TRPC6: variants seen among roughly 807,000 people sequenced by gnomAD.
The protein encoded by TRPC6 is short transient receptor potential channel 6.
A neutral mutation model predicts 90.7 loss-of-function variants in TRPC6; 55 were observed. The observed-to-expected ratio is 0.61, with a 90% CI of 0.49 to 0.76. TRPC6 has a LOEUF of 0.76. Among genes scored for constraint, TRPC6 ranks in the 30% least tolerant of loss-of-function variants. The pLI, the probability that TRPC6 is intolerant of heterozygous loss-of-function variation, is 0.00. For missense variants in TRPC6, 989 were observed against 1,122.7 expected, an observed-to-expected ratio of 0.88 and a Z score of 1.70; for synonymous variants, 393 against 393.0, an observed-to-expected ratio of 1.00 and a Z score of 0.00.
At chr11:101,567,060 TC>T (rs113023805) in intron 1 of TRPC6, among the ~76,000 whole-genome samples, 4,003 of 127,108 alleles carry the variant, frequency 0.031, 106 homozygotes, top group African/African-American at 0.075. Flanking sequence ...GAAGTCTGGC[TC>T]GGGGCGGGGT....
At chr11:101,495,647 T>C (rs1859927476) in intron 2 of TRPC6, among the ~76,000 whole-genome samples, 1 of 149,404 alleles carries the variant, frequency 6.7e-6, no homozygotes, top group Admixed American at 6.7e-5. Context: ...ATTGTTTTCA[T>C]TATTTCACAA....
intron 4 of TRPC6, among the ~76,000 whole-genome samples, chr11:101,487,264 TCC>T (rs996554662): frequency 2.8e-4 from 43 of 151,690 alleles, no homozygotes; most frequent in African/African-American, 8.9e-4. Flanking sequence ...ATTCAAAAAC[TCC>T]CCCCATTTTA....
At chr11:101,582,123 T>C (rs1157348584) in intron 1 of TRPC6, among the ~76,000 whole-genome samples, 1 of 152,246 alleles carries the variant, frequency 6.6e-6, no homozygotes. Flanking sequence ...GAAAAACATA[T>C]ACATAATTGT....
chr11:101,527,548 G>A (rs1018301296), intron 1 of TRPC6, among the ~76,000 whole-genome samples: 5 of 152,152 alleles, frequency 3.3e-5, no homozygotes, highest in African/African-American at 1.2e-4. Context: ...TGTGAAGTGT[G>A]TGTGGTTGGG....
intron 1 of TRPC6, among the ~76,000 whole-genome samples, chr11:101,532,189 G>C (rs915845281): frequency 1.3e-5 from 2 of 152,322 alleles, no homozygotes; most frequent in Non-Finnish European, 2.9e-5. Flanking sequence ...AGTCTTGGGA[G>C]AGACTGTAGC....
intron 1 of TRPC6, among the ~76,000 whole-genome samples, chr11:101,548,094 G>A (rs572341109): frequency 1.3e-5 from 2 of 151,398 alleles, no homozygotes; most frequent in South Asian, 4.2e-4. Context: ...TCAGTAATGG[G>A]GCTAAAATAG....
At chr11:101,575,783 T>C (rs1034388771) in intron 1 of TRPC6, among the ~76,000 whole-genome samples, 3 of 152,140 alleles carry the variant, frequency 2.0e-5, no homozygotes, top group Admixed American at 6.6e-5. Context: ...TTACTGCTAT[T>C]TATGCCCTTT....
At chr11:101,578,017 A>G (rs1242321484) in intron 1 of TRPC6, among the ~76,000 whole-genome samples, 1 of 152,172 alleles carries the variant, frequency 6.6e-6, no homozygotes, top group Non-Finnish European at 1.5e-5. Flanking sequence ...AGTAGCTGGC[A>G]TCATTTTATT....
intron 3 of TRPC6, among the ~76,000 whole-genome samples, chr11:101,489,365 GAAT>G (rs1221892726): frequency 2.9e-5 from 4 of 140,136 alleles, no homozygotes; most frequent in African/African-American, 8.8e-5. Flanking sequence ...AATTTTAATT[GAAT>G]ATTATAAAAA....
At chr11:101,479,438 C>G (rs914255786) in intron 5 of TRPC6, among the ~76,000 whole-genome samples, 3 of 152,216 alleles carry the variant, frequency 2.0e-5, no homozygotes, top group African/African-American at 7.2e-5. Flanking sequence ...TCTGCCTTGT[C>G]AACATCTCCT....
intron 1 of TRPC6, among the ~76,000 whole-genome samples, chr11:101,553,485 G>T (rs11224846): frequency 1.3e-5 from 2 of 151,816 alleles, no homozygotes; most frequent in African/African-American, 2.4e-5. Flanking sequence ...CTCCTATTGC[G>T]TTCCTCACCT....
intron 5 of TRPC6, among the ~76,000 whole-genome samples, chr11:101,479,066 T>C (rs1420873181): frequency 1.3e-5 from 2 of 152,168 alleles, no homozygotes; most frequent in Non-Finnish European, 2.9e-5. Flanking sequence ...CACTGGGTCT[T>C]ACACCATGCC....
chr11:101,502,602 G>C (rs1444222537), intron 2 of TRPC6, among the ~76,000 whole-genome samples: 1 of 152,188 alleles, frequency 6.6e-6, no homozygotes, highest in Non-Finnish European at 1.5e-5. Flanking sequence ...ATATTAATCA[G>C]AGTTCAAAAT....
intron 1 of TRPC6, among the ~76,000 whole-genome samples, chr11:101,518,081 A>G (rs776134262): frequency 6.6e-5 from 10 of 152,226 alleles, no homozygotes; most frequent in Non-Finnish European, 1.0e-4. Context: ...ATATACTGGT[A>G]TATCTGCTCA....
At position 101,531,242 on chromosome 11, in the gene TRPC6, C is replaced by A. The variant is rs551069787; in HGVS notation, c.171-26444G>T. On this transcript the variant is annotated intron_variant, in intron 1 of 12. Coordinates refer to ENST00000344327, the MANE Select transcript of TRPC6 (RefSeq NM_004621.6). ...TTTTGTCAATTACACCCTAATAAAT[C>A]TGGGAAAAAACTCAATCCCCATAAG... 1.4e-4 allele frequency among the ~76,000 whole-genome samples: 21 copies of A among 152,294 alleles called. No individual in the cohort carries two copies. The East Asian group carries it at 3.7e-3, about 27-fold the overall frequency.
chr11:101,515,258 A>G (rs1389392195), intron 1 of TRPC6, among the ~76,000 whole-genome samples: 2 of 152,202 alleles, frequency 1.3e-5, no homozygotes, highest in African/African-American at 2.4e-5. Context: ...CATCTGCACC[A>G]TGTGTCCAAA....
chr11:101,514,244 G>T (rs548146436), intron 1 of TRPC6, among the ~76,000 whole-genome samples: 2 of 151,050 alleles, frequency 1.3e-5, no homozygotes, highest in African/African-American at 4.9e-5. Context: ...TAGGCACATT[G>T]GGGGTACAGC....
chr11:101,472,342 A>T lies in TRPC6; in HGVS notation c.2010-10T>A. The T allele has an allele frequency of 6.2e-7, 1 of 1,609,642 alleles. No individual in the cohort carries two copies. Among genetic ancestry groups the T allele is most frequent in the South Asian group, 1.1e-5 (1 of 90,230 alleles). The stretch of plus-strand genomic sequence containing the variant: ...AAAACTCTCTTCAACTCTGGGGAAA[A>T]AATAACAGAAGAAAAGAAATAAGAA... On this transcript the variant is annotated splice_polypyrimidine_tract_variant and intron_variant, in intron 7 of 12. Coordinates refer to ENST00000344327, the MANE Select transcript of TRPC6 (RefSeq NM_004621.6).
At chr11:101,457,469 T>C (rs1371519064) in intron 10 of TRPC6, among the ~76,000 whole-genome samples, 2 of 152,242 alleles carry the variant, frequency 1.3e-5, no homozygotes, top group African/African-American at 4.8e-5. Context: ...TTAAAGTTTC[T>C]TATATTGCTG....
Sources: gnomAD v4.1 joint callset for allele counts (sites outside exome capture counted in the v4.1 genomes callset) on GRCh38, gnomAD v4.1.1 for gene constraint, MANE v1.5 for transcripts, NCBI Gene and HGNC (gene_info 2026-07-23, HGNC 2026-07-21) for gene names.